GAS7: variants seen among roughly 807,000 people sequenced by gnomAD.
GAS7 encodes the protein growth arrest specific 7, also known as growth arrest-specific protein 7.
In GAS7, 28 loss-of-function variants were observed where a neutral mutation model predicts 71.1. The ratio of observed to expected loss-of-function variants is 0.39; its 90% CI spans 0.29 to 0.54. GAS7 has a LOEUF of 0.54. GAS7 is among the 20% of genes least tolerant of loss of function. The pLI is 0.62. For missense variants in GAS7, 436 were observed against 627.8 expected, an observed-to-expected ratio of 0.69 and a Z score of 3.27; for synonymous variants, 258 against 245.8, an observed-to-expected ratio of 1.05 and a Z score of -0.46.
intron 2 of GAS7, among the ~76,000 whole-genome samples, chr17:10,009,103 G>C (rs1358465123): frequency 1.3e-5 from 2 of 151,732 alleles, no homozygotes; most frequent in African/African-American, 2.4e-5. Flanking sequence ...GGCGGATCAC[G>C]AGGTCAGGAG....
chr17:10,134,452 A>G (rs1022532144), intron 1 of GAS7, among the ~76,000 whole-genome samples: 2 of 152,130 alleles, frequency 1.3e-5, no homozygotes, highest in African/African-American at 4.8e-5. Flanking sequence ...CAGTAGTGGG[A>G]TCCCTGGATA....
chr17:10,143,347 C>T (rs2074098266), intron 1 of GAS7, among the ~76,000 whole-genome samples: 1 of 151,986 alleles, frequency 6.6e-6, no homozygotes, highest in Admixed American at 6.6e-5. Context: ...TCAAGACCAG[C>T]CTGGCCAACA....
chr17:10,060,225 C>T (rs1009490979), intron 1 of GAS7, among the ~76,000 whole-genome samples: 13 of 152,232 alleles, frequency 8.5e-5, no homozygotes, highest in Admixed American at 1.3e-4. Flanking sequence ...ACAAGGCTGG[C>T]CTTCTGCCAC....
chr17:10,017,133 A>AAAATAAATAAATAAATAAAT (rs3076181), intron 2 of GAS7, among the ~76,000 whole-genome samples: 2 of 132,436 alleles, frequency 1.5e-5, no homozygotes, highest in African/African-American at 3.1e-5. Flanking sequence ...CCTGTCTAAA[A>AAAATAAATAAATAAATAAAT]AAATAAATAA....
chr17:10,161,157 C>T (rs930128040), intron 1 of GAS7, among the ~76,000 whole-genome samples: 1 of 152,026 alleles, frequency 6.6e-6, no homozygotes, highest in Non-Finnish European at 1.5e-5. Flanking sequence ...CAAGTATTAC[C>T]AAAGATGGTC....
chr17:9,920,650 G>A (rs1194473465), intron 11 of GAS7, among the ~76,000 whole-genome samples: 9 of 152,190 alleles, frequency 5.9e-5, no homozygotes, highest in African/African-American at 1.7e-4. Context: ...TTTATGAGAC[G>A]CTCTGGTAAT....
intron 2 of GAS7, among the ~76,000 whole-genome samples, chr17:10,012,088 A>G (rs2071796964): frequency 6.6e-6 from 1 of 152,204 alleles, no homozygotes; most frequent in Non-Finnish European, 1.5e-5. Context: ...ATAAATAAGA[A>G]GTAAAATCTT....
chr17:9,912,205 A>T lies in GAS7; in HGVS notation c.*5023T>A. The T allele has an allele frequency of 8.6e-6, 2 of 232,928 alleles. No individual in the cohort carries two copies. Among genetic ancestry groups the T allele is most frequent in the Non-Finnish European group, 1.7e-5 (2 of 117,830 alleles). The allele number at this position is 232,928 out of a possible 1,614,324, so 14.4% of individuals were successfully genotyped here. On this transcript the variant is annotated 3_prime_UTR_variant, in exon 14 of 14. Coordinates refer to ENST00000432992, the MANE Select transcript of GAS7 (RefSeq NM_201433.2). The stretch of plus-strand genomic sequence containing the variant: ...CTTAATTTTAGCTCCATTTGAATCT[A>T]AATGGAAAAGTACCACGGCATCTCT...
At chr17:10,193,255 A>G (rs2074515766) in intron 1 of GAS7, among the ~76,000 whole-genome samples, 1 of 101,564 alleles carries the variant, frequency 9.8e-6, no homozygotes, top group African/African-American at 4.0e-5. Flanking sequence ...AGAAACCTCT[A>G]GAGTCAAAAA....
chr17:10,183,748 A>T (rs573339330), intron 1 of GAS7, among the ~76,000 whole-genome samples: 1 of 152,272 alleles, frequency 6.6e-6, no homozygotes, highest in South Asian at 2.1e-4. Context: ...AGGCTGAGGC[A>T]GGAGAATGGC....
intron 5 of GAS7, among the ~76,000 whole-genome samples, chr17:9,949,653 G>A (rs965882123): frequency 1.3e-5 from 2 of 152,198 alleles, no homozygotes; most frequent in African/African-American, 4.8e-5. Flanking sequence ...ACCCTAGAGG[G>A]AAACACAACT....
rs928444335 is a variant in GAS7 at position 10,026,117 on chromosome 17, C to T, written c.184-6220G>A. The T allele has an allele frequency of 2.1e-6, 2 of 972,868 alleles. No individual in the cohort carries two copies. Among genetic ancestry groups the T allele is most frequent in the East Asian group, 1.1e-4 (1 of 8,762 alleles). 60.3% of individuals were successfully genotyped at this position (972,868 alleles called of 1,614,324 possible). On this transcript the variant is annotated intron_variant, in intron 1 of 13. Transcript: ENST00000432992. This position sits in a 1 kb window ranked among gnomAD's most constrained non-coding sequence, Gnocchi z 4.5. ...CCTCCACCTCCGGGACTCTCTCCCC[C>T]TCCGGAGGTTTCTGAGAACACCTGA...
At position 9,942,311 on chromosome 17, in the gene GAS7, C is replaced by T. The variant is rs535099529; in HGVS notation, c.731+810G>A. Among the ~76,000 whole-genome samples the T allele has an allele frequency of 2.6e-5, 4 of 152,008 alleles. No homozygotes were observed. The East Asian group carries it at 7.7e-4, about 29-fold the overall frequency. ...ATATTGCAATTTGCTATATTTCCAACTCCAGGTGGAAAGTTGTGTGTTTGT... is the reference window on the plus strand; with the variant it reads ...ATATTGCAATTTGCTATATTTCCAATTCCAGGTGGAAAGTTGTGTGTTTGT... On this transcript the variant is annotated intron_variant, in intron 7 of 13. Coordinates refer to ENST00000432992, the MANE Select transcript of GAS7 (RefSeq NM_201433.2).
rs868754288 is a variant in GAS7 at position 10,127,860 on chromosome 17, G to C, written c.183+70348C>G. ...CCTTGGAAATGCTGATTAAACACCA[G>C]AACCCACGCAAAGATCTGAGCAAAT... On this transcript the variant is annotated intron_variant, in intron 1 of 13. Transcript: ENST00000432992. Among the ~76,000 whole-genome samples the C allele has an allele frequency of 2.0e-5, 3 of 152,184 alleles. No individual in the cohort carries two copies. The South Asian group carries it at 6.2e-4, about 31-fold the overall frequency.
At chr17:9,921,917 C>T (rs894474237) in intron 11 of GAS7, among the ~76,000 whole-genome samples, 2 of 148,994 alleles carry the variant, frequency 1.3e-5, no homozygotes, top group Admixed American at 6.7e-5. Flanking sequence ...AGAGATCGCA[C>T]CACTGCACTC....
chr17:10,197,880 G>A (rs2074552077), intron 1 of GAS7, among the ~76,000 whole-genome samples: 1 of 152,200 alleles, frequency 6.6e-6, no homozygotes, highest in Non-Finnish European at 1.5e-5. Flanking sequence ...CCCTTCACCG[G>A]CCCCTGCCAC....
At chr17:9,956,812 A>G (rs2069258276) in intron 5 of GAS7, among the ~76,000 whole-genome samples, 1 of 152,150 alleles carries the variant, frequency 6.6e-6, no homozygotes, top group Admixed American at 6.5e-5. Context: ...TCATCCCTAC[A>G]CACCACAGAA....
At chr17:10,127,758 C>T (rs902214178) in intron 1 of GAS7, among the ~76,000 whole-genome samples, 3 of 152,194 alleles carry the variant, frequency 2.0e-5, no homozygotes, top group Non-Finnish European at 4.4e-5. Flanking sequence ...CAAGACTGGG[C>T]AAGCTCCAAC....
chr17:9,927,916 G>A (rs1007308740), intron 9 of GAS7, among the ~76,000 whole-genome samples: 2 of 152,090 alleles, frequency 1.3e-5, no homozygotes, highest in African/African-American at 4.8e-5. Context: ...TGGAGCACAG[G>A]CAAAGGGAAC....
Sources: allele counts gnomAD v4.1 joint callset (sites outside exome capture counted in the v4.1 genomes callset), GRCh38; gene constraint gnomAD v4.1.1; non-coding constraint Gnocchi (gnomAD v3.1); transcripts MANE v1.5; gene names NCBI Gene and HGNC (gene_info 2026-07-23, HGNC 2026-07-21).